The following C2CD3 variants were observed in gnomAD, a reference collection of about 807,000 sequenced individuals.
C2CD3 encodes C2 domain-containing protein 3.
In C2CD3, 148 loss-of-function variants were observed where a neutral mutation model predicts 234.0. The ratio of observed to expected loss-of-function variants is 0.63; its 90% CI spans 0.55 to 0.72. The LOEUF (loss-of-function observed/expected upper bound fraction) is 0.72. C2CD3 is among the 30% of genes least tolerant of loss of function. The pLI, the probability that C2CD3 is intolerant of heterozygous loss-of-function variation, is 0.00. For missense variants in C2CD3, 2,577 were observed against 2,811.5 expected (o/e 0.92, Z 1.89); for synonymous variants, 1,000 against 1,035.4 (o/e 0.97, Z 0.66).
intron 3 of C2CD3, among the ~76,000 whole-genome samples, chr11:74,147,230 C>T (rs563462813): frequency 6.6e-6 from 1 of 152,086 alleles, no homozygotes; most frequent in South Asian, 2.1e-4. Flanking sequence ...GCTTGGGCAA[C>T]ATCTCAAGGC....
At chr11:74,054,391 T>C (rs556671735) in intron 26 of C2CD3, among the ~76,000 whole-genome samples, 1 of 150,600 alleles carries the variant, frequency 6.6e-6, no homozygotes, top group East Asian at 1.9e-4. Context: ...AGCAAGATCT[T>C]GTTCAAAAAA....
At chr11:74,085,053 C>A in intron 21 of C2CD3, 83 bp from the exon 22 acceptor site, 1 of 702,292 alleles carries the variant, frequency 1.4e-6, no homozygotes, top group Non-Finnish European at 2.5e-6. Context: ...CACAACCCTC[C>A]CCTTATATGC....
chr11:74,080,141 T>C (rs528887013), intron 22 of C2CD3, among the ~76,000 whole-genome samples: 2 of 152,218 alleles, frequency 1.3e-5, no homozygotes, highest in African/African-American at 4.8e-5. Flanking sequence ...TGGCATTATA[T>C]AAAACATTGT....
intron 3 of C2CD3, 56 bp from the exon 4 acceptor site, chr11:74,139,884 T>G: frequency 1.0e-6 from 1 of 994,108 alleles, no homozygotes; most frequent in Non-Finnish European, 1.6e-6. Flanking sequence ...TAACTAATTT[T>G]AAGACTCCCC....
At chr11:74,048,426 T>C in intron 27 of C2CD3, 88 bp from the exon 28 acceptor site, 2 of 1,348,560 alleles carry the variant, frequency 1.5e-6, no homozygotes, top group South Asian at 2.7e-5. Context: ...TAAAATTTAT[T>C]GTGTGCATTT....
chr11:74,057,429 G>A lies in C2CD3; in HGVS notation c.5067C>T (p.Ile1689=), dbSNP rs768126561. 6.2e-7 allele frequency: 1 copy of A among 1,614,164 alleles called. No homozygotes were observed. Among genetic ancestry groups the A allele is most frequent in the Non-Finnish European group, 8.5e-7 (1 of 1,179,978 alleles). The change falls in exon 25 of 33, where the codon ATC becomes ATT. Residue 1689 remains isoleucine (I), a synonymous_variant. Coordinates refer to ENST00000334126, the MANE Select transcript of C2CD3 (RefSeq NM_001286577.2). ...ACCTTGACTGCTGTTGAAAATTCCA[G>A]ATGGGGGAATCTGTGTTTTCAACCA... ...TQVVENTDSP[I]WNFQQQSRLS...
In C2CD3 at chr11:74,170,958, G is replaced by T; in HGVS notation, c.-166C>A. ...CTTCCTCTAACAGTCTCCGGAAAACGGTGCGAAGAGAAGGCGCCAAGACGC... is the reference window on the plus strand; with the variant it reads ...CTTCCTCTAACAGTCTCCGGAAAACTGTGCGAAGAGAAGGCGCCAAGACGC... On this transcript the variant is annotated 5_prime_UTR_variant, in exon 1 of 33. Transcript: ENST00000334126. 6.8e-7 allele frequency: 1 copy of T among 1,468,994 alleles called. No homozygotes were observed. The highest frequency in any genetic ancestry group is 9.0e-7 in the Non-Finnish European group (1 of 1,105,790). 91.0% of individuals were successfully genotyped at this position (1,468,994 alleles called of 1,614,324 possible). A position where few individuals can be genotyped will look rare whatever the true frequency, so the allele number is the denominator to read the frequency against.
chr11:74,030,135 T>TAGTAGAGGAA (rs1952465713), intron 31 of C2CD3, among the ~76,000 whole-genome samples: 1 of 152,170 alleles, frequency 6.6e-6, no homozygotes, highest in Non-Finnish European at 1.5e-5. Context: ...AACAACCCCC[T>TAGTAGAGGAA]GACCTTGCAT....
chr11:74,063,897 T>C (rs1453752059), intron 24 of C2CD3, among the ~76,000 whole-genome samples: 1 of 152,100 alleles, frequency 6.6e-6, no homozygotes, highest in African/African-American at 2.4e-5. Flanking sequence ...ATCTCTCTTT[T>C]TTAAATTTTA....
chr11:74,110,621 C>G (rs1289030723), intron 11 of C2CD3: 1 of 152,200 alleles, frequency 6.6e-6, no homozygotes, highest in East Asian at 1.9e-4. Context: ...CTGTAAAATT[C>G]TTTATGTACA....
At chr11:74,022,553 A>G (rs963863419) in intron 32 of C2CD3, among the ~76,000 whole-genome samples, 2 of 152,184 alleles carry the variant, frequency 1.3e-5, no homozygotes, top group African/African-American at 4.8e-5. Flanking sequence ...TATTCCCAAG[A>G]GTGAAAATCT....
At chr11:74,118,877 C>T (rs920433077) in intron 8 of C2CD3, among the ~76,000 whole-genome samples, 1 of 150,802 alleles carries the variant, frequency 6.6e-6, no homozygotes, top group African/African-American at 2.4e-5. Context: ...ATGACTTGGA[C>T]GATGTCACCT....
intron 12 of C2CD3, among the ~76,000 whole-genome samples, chr11:74,107,322 TCACACA>T (rs142285119): frequency 2.1e-4 from 31 of 146,620 alleles, no homozygotes; most frequent in Middle Eastern, 3.5e-3. Context: ...TGAAACTGTG[TCACACA>T]CACACACACA....
At position 74,139,793 on chromosome 11, in the gene C2CD3, G is replaced by A. The variant is rs370615429; in HGVS notation, c.519C>T (p.Tyr173=). 2.9e-5 allele frequency: 47 copies of A among 1,613,126 alleles called. No individual in the cohort carries two copies. Among genetic ancestry groups the A allele is most frequent in the Middle Eastern group, 1.6e-4 (1 of 6,074 alleles). ...TGGTAGGAAGTGGATGGTAGCTGTCGTAAGTTTCTGACAGAGGTTCCAGGG... is the reference window on the plus strand; with the variant it reads ...TGGTAGGAAGTGGATGGTAGCTGTCATAAGTTTCTGACAGAGGTTCCAGGG... ...SLALEPLSET[Y]DSYHPLPTTD... is the part of the protein sequence containing the mutation. The change falls in exon 4 of 33, where the codon TAC becomes TAT. Residue 173 remains tyrosine, a synonymous_variant. Transcript: ENST00000334126.
At chr11:74,130,763 A>C (rs1415895032) in intron 7 of C2CD3, among the ~76,000 whole-genome samples, 1 of 152,048 alleles carries the variant, frequency 6.6e-6, no homozygotes, top group African/African-American at 2.4e-5. Context: ...GTAAGCTTTA[A>C]AATTGGAAAG....
At chr11:74,139,977 C>G (rs528335757) in intron 3 of C2CD3, 149 bp from the exon 4 acceptor site, 20 of 459,072 alleles carry the variant, frequency 4.4e-5, no homozygotes, top group South Asian at 4.2e-4. Flanking sequence ...TAAGGAATGT[C>G]CCCCATTCCC....
At chr11:74,143,081 TTAAATA>T (rs1034910453) in intron 3 of C2CD3, among the ~76,000 whole-genome samples, 8 of 152,266 alleles carry the variant, frequency 5.3e-5, no homozygotes, top group African/African-American at 1.9e-4. Flanking sequence ...ATTCTATCAC[TTAAATA>T]TATCACCCCT....
intron 23 of C2CD3, among the ~76,000 whole-genome samples, chr11:74,075,022 T>C (rs569288735): frequency 2.6e-5 from 4 of 152,130 alleles, no homozygotes; most frequent in Non-Finnish European, 4.4e-5. Flanking sequence ...AGGTTGAGGA[T>C]GCAGTGAGCC....
intron 26 of C2CD3, among the ~76,000 whole-genome samples, chr11:74,053,277 G>T (rs1030587152): frequency 1.3e-5 from 2 of 152,128 alleles, no homozygotes; most frequent in African/African-American, 2.4e-5. Flanking sequence ...GCACATTATT[G>T]CTCGGTAATA....
Sources: allele counts gnomAD v4.1 joint callset (sites outside exome capture counted in the v4.1 genomes callset), GRCh38; gene constraint gnomAD v4.1.1; transcripts MANE v1.5; gene names NCBI Gene and HGNC (gene_info 2026-07-23, HGNC 2026-07-21).